Variants in BIRC6 observed in about 807,000 individuals in gnomAD.
The protein encoded by BIRC6 is dual E2 ubiquitin-conjugating enzyme/E3 ubiquitin-protein ligase BIRC6.
A neutral mutation model predicts 503.3 loss-of-function variants in BIRC6; 98 were observed. That is an observed-to-expected ratio of 0.19 (90% confidence interval 0.17 to 0.23). BIRC6 has a LOEUF of 0.23. Ranked by LOEUF, BIRC6 falls within the 10% of genes least tolerant of loss-of-function variation. BIRC6 has a pLI of 1.00. For synonymous variants in BIRC6, 2,240 were observed against 2,078.7 expected (o/e 1.08, Z -2.11); for missense variants, 5,360 against 5,806.0 (o/e 0.92, Z 2.50).
chr2:32,529,564 C>T, intron 59 of BIRC6, 87 bp from the exon 60 acceptor site: 3 of 1,214,716 alleles, frequency 2.5e-6, no homozygotes, highest in Non-Finnish European at 2.2e-6. Flanking sequence ...AAACTCTTGC[C>T]TGTAATTTAG....
chr2:32,533,804 A>G (rs993511527), intron 61 of BIRC6, among the ~76,000 whole-genome samples: 1 of 152,200 alleles, frequency 6.6e-6, no homozygotes, highest in Non-Finnish European at 1.5e-5. Flanking sequence ...TCCAGAAGCA[A>G]TGCATCCTTT....
At chr2:32,461,029 T>C (rs2047857320) in intron 23 of BIRC6, among the ~76,000 whole-genome samples, 4 of 73,018 alleles carry the variant, frequency 5.5e-5, no homozygotes, top group Non-Finnish European at 9.2e-5. Context: ...TCTCTTCTCT[T>C]CTCTTCTCTT....
At position 32,487,668 on chromosome 2, in the gene BIRC6, C is replaced by T; in HGVS notation, c.7835C>T (p.Thr2612Ile). Residue 2612 changes from threonine to isoleucine, a missense_variant, in exon 41 of 74, where the codon ACA (threonine) becomes ATA (isoleucine). By Grantham distance (89) the Thr-to-Ile change is moderately conservative. Transcript: ENST00000421745. ...TCAGTATCACAGTCTCCCACTGGAA[C>T]AGATGATTCACTTCTAGGGGGTTTA... ...SPTLSQSPTGTDDSLLGGLQA... is the reference protein window; with the variant it reads ...SPTLSQSPTGIDDSLLGGLQA... 6.2e-7 allele frequency: 1 copy of T among 1,613,580 alleles called. No homozygotes were observed. Among genetic ancestry groups the T allele is most frequent in the Non-Finnish European group, 8.5e-7 (1 of 1,179,670 alleles).
intron 66 of BIRC6, among the ~76,000 whole-genome samples, chr2:32,591,744 A>T (rs543405942): frequency 2.9e-4 from 44 of 152,210 alleles, no homozygotes; most frequent in Non-Finnish European, 5.6e-4. Context: ...TGTAATCATA[A>T]CTGCTTTCTG....
At chr2:32,424,667 C>G (rs994653681) in intron 10 of BIRC6, among the ~76,000 whole-genome samples, 2 of 151,990 alleles carry the variant, frequency 1.3e-5, no homozygotes, top group African/African-American at 4.8e-5. Flanking sequence ...CACGCACCAC[C>G]ACGCCCAGCT....
At chr2:32,376,109 C>T (rs1406878842) in intron 1 of BIRC6, among the ~76,000 whole-genome samples, 3 of 151,500 alleles carry the variant, frequency 2.0e-5, no homozygotes, top group Non-Finnish European at 4.4e-5. Flanking sequence ...TGGCATGAAC[C>T]CGGGAGGCAG....
Position 32,499,105 on chromosome 2 carries a change from A to G in BIRC6, c.8469-442A>G, listed in dbSNP as rs370332839. Among the ~76,000 whole-genome samples the G allele has an allele frequency of 5.3e-5, 8 of 152,250 alleles. No homozygotes were observed. In the East Asian group the frequency reaches 1.5e-3, roughly 29 times the overall value. ...TAGGCATAAACAGAATTTGAAGAGC[A>G]TTCAATTTTGATACTTGAGAATGAT... On this transcript the variant is annotated intron_variant, in intron 45 of 73. Coordinates refer to ENST00000421745, the MANE Select transcript of BIRC6 (RefSeq NM_016252.4).
At position 32,417,354 on chromosome 2, in the gene BIRC6, G is replaced by A. The variant is rs933958571; in HGVS notation, c.2872+1191G>A. Among the ~76,000 whole-genome samples the A allele has an allele frequency of 4.7e-4, 72 of 151,936 alleles. 1 individual carries two copies. The highest frequency in any genetic ancestry group is 1.7e-3 in the African/African-American group (71 of 41,356). The stretch of plus-strand genomic sequence containing the variant: ...AAATGGGATTTCGCCATGTTGCTCA[G>A]GCTGGTCTCAAACTCCTGAGTTCAA... On this transcript the variant is annotated intron_variant, in intron 10 of 73. Transcript: ENST00000421745.
chr2:32,424,346 G>C (rs1278623391), intron 10 of BIRC6, among the ~76,000 whole-genome samples: 2 of 152,000 alleles, frequency 1.3e-5, no homozygotes, highest in East Asian at 3.9e-4. Context: ...TGTGACTACT[G>C]TAAGGGGTGA....
At chr2:32,479,242 A>G (rs1004164873) in intron 36 of BIRC6, among the ~76,000 whole-genome samples, 2 of 152,212 alleles carry the variant, frequency 1.3e-5, no homozygotes, top group Non-Finnish European at 2.9e-5. Context: ...AACTCTTTGT[A>G]CATGTTATGT....
chr2:32,487,713 G>A lies in BIRC6; in HGVS notation c.7880G>A (p.Ser2627Asn), dbSNP rs771730529. The change falls in exon 41 of 74, where the codon AGC (serine) becomes AAC (asparagine). Residue 2627 changes from serine to asparagine, a missense_variant. By Grantham distance (46) the Ser-to-Asn change is conservative. Coordinates refer to ENST00000421745, the MANE Select transcript of BIRC6 (RefSeq NM_016252.4). ...GGTTTACAAGCAGCAAACCAAACCA[G>A]CCAGCTTATTATACAGTTATCATCT... ...LGGLQAANQT[S>N]QLIIQLSSVP... 4.4e-5 allele frequency: 71 copies of A among 1,613,478 alleles called. No individual in the cohort carries two copies. The highest frequency in any genetic ancestry group is 5.8e-5 in the Non-Finnish European group (69 of 1,179,676).
intron 10 of BIRC6, among the ~76,000 whole-genome samples, chr2:32,426,057 T>C (rs1219501285): frequency 6.6e-6 from 1 of 152,252 alleles, no homozygotes; most frequent in Non-Finnish European, 1.5e-5. Context: ...CCAATCATAC[T>C]TTCTAGTTGA....
intron 50 of BIRC6, among the ~76,000 whole-genome samples, chr2:32,507,158 A>C (rs567966859): frequency 7.2e-4 from 110 of 152,248 alleles, no homozygotes; most frequent in Non-Finnish European, 1.2e-3. Context: ...GGCTGGGCGC[A>C]GTGGGTCACA....
At chr2:32,424,274 A>AT (rs2043238061) in intron 10 of BIRC6, among the ~76,000 whole-genome samples, 1 of 152,022 alleles carries the variant, frequency 6.6e-6, no homozygotes, top group African/African-American at 2.4e-5. Context: ...AAAAAACAAT[A>AT]TATATACATA....
At chr2:32,403,711 A>G (rs147627725) in intron 8 of BIRC6, among the ~76,000 whole-genome samples, 90 of 152,262 alleles carry the variant, frequency 5.9e-4, no homozygotes, top group Non-Finnish European at 1.1e-3. Flanking sequence ...TTTAACCATA[A>G]TATTTATTTT....
chr2:32,580,088 G>A (rs1324133589), intron 66 of BIRC6, among the ~76,000 whole-genome samples: 2 of 151,906 alleles, frequency 1.3e-5, no homozygotes, highest in Admixed American at 6.6e-5. Context: ...CGAGTAGCTG[G>A]GATTACAGGC....
chr2:32,477,071 A>G (rs1471162937), intron 34 of BIRC6, among the ~76,000 whole-genome samples: 1 of 152,154 alleles, frequency 6.6e-6, no homozygotes, highest in African/African-American at 2.4e-5. Flanking sequence ...TGTTACGGTA[A>G]TATTTATGTT....
chr2:32,570,660 C>T (rs963389191), intron 65 of BIRC6, among the ~76,000 whole-genome samples: 11 of 149,082 alleles, frequency 7.4e-5, no homozygotes, highest in African/African-American at 2.0e-4. Flanking sequence ...CCACAACACC[C>T]GGCTAATTTT....
chr2:32,382,180 C>T (rs2037765922), intron 3 of BIRC6, among the ~76,000 whole-genome samples: 1 of 152,202 alleles, frequency 6.6e-6, no homozygotes, highest in Admixed American at 6.5e-5. Flanking sequence ...AACCTAGAAA[C>T]TTAGAGAATA....
Sources: gnomAD v4.1 joint callset for allele counts (sites outside exome capture counted in the v4.1 genomes callset) on GRCh38, gnomAD v4.1.1 for gene constraint, MANE v1.5 for transcripts, NCBI Gene and HGNC (gene_info 2026-07-23, HGNC 2026-07-21) for gene names.